ASCC1: variants seen among roughly 807,000 people sequenced by gnomAD.
ASCC1 encodes activating signal cointegrator 1 complex subunit 1, also known as ASC-1 complex subunit P50.
In ASCC1, 35 loss-of-function variants were observed where a neutral mutation model predicts 46.6. The ratio of observed to expected loss-of-function variants is 0.75; its 90% CI spans 0.57 to 0.99. The LOEUF is 0.99. ASCC1 is among the 50% of genes least tolerant of loss of function. ASCC1 has a pLI of 0.00. For missense variants in ASCC1, 376 were observed against 428.7 expected, an observed-to-expected ratio of 0.88 and a Z score of 1.09; for synonymous variants, 143 against 146.6, an observed-to-expected ratio of 0.98 and a Z score of 0.18.
intron 6 of ASCC1, among the ~76,000 whole-genome samples, chr10:72,158,741 C>T (rs1849284356): frequency 1.3e-5 from 2 of 152,176 alleles, no homozygotes; most frequent in African/African-American, 4.8e-5. Context: ...TAAAAACCAT[C>T]AAATTAAACT....
chr10:72,116,574 T>C (rs1484843545), intron 9 of ASCC1, among the ~76,000 whole-genome samples: 1 of 152,256 alleles, frequency 6.6e-6, no homozygotes, highest in Non-Finnish European at 1.5e-5. Context: ...GTTCTCTTTC[T>C]GTAATTTTTA....
intron 9 of ASCC1, among the ~76,000 whole-genome samples, chr10:72,122,020 A>G (rs1844264575): frequency 6.6e-6 from 1 of 152,246 alleles, no homozygotes; most frequent in Admixed American, 6.5e-5. Flanking sequence ...GCTGTAATAA[A>G]TTTAAAAGAA....
intron 3 of ASCC1, among the ~76,000 whole-genome samples, chr10:72,206,232 C>T (rs1265133316): frequency 1.3e-5 from 2 of 151,750 alleles, no homozygotes; most frequent in Admixed American, 6.6e-5. Flanking sequence ...TGGAGAAACC[C>T]CACCTCTACT....
At chr10:72,122,957 C>T (rs762070637) in intron 9 of ASCC1, among the ~76,000 whole-genome samples, 2 of 151,944 alleles carry the variant, frequency 1.3e-5, no homozygotes, top group Non-Finnish European at 2.9e-5. Context: ...GATATAAAAT[C>T]AATAATCTAA....
chr10:72,161,269 T>C (rs1280901831), intron 6 of ASCC1, among the ~76,000 whole-genome samples: 1 of 152,070 alleles, frequency 6.6e-6, no homozygotes. Context: ...TGAGTTACTG[T>C]AATAGACAGA....
rs1019164225 is a variant in ASCC1 at position 72,213,806 on chromosome 10, G to A, written c.-33-475C>T. 2.6e-5 allele frequency among the ~76,000 whole-genome samples: 4 copies of A among 152,062 alleles called. No individual in the cohort carries two copies. The East Asian group carries it at 5.8e-4, about 22-fold the overall frequency. On this transcript the variant is annotated intron_variant, in intron 1 of 9. Transcript: ENST00000672957. ...TGTAATCCCAGCACTTTGGGAGGCC[G>A]AGGCAGGCAGATCACAAGGTCAGGA...
chr10:72,120,592 C>CAAAAA (rs756385458), intron 9 of ASCC1, among the ~76,000 whole-genome samples: 2 of 92,146 alleles, frequency 2.2e-5, no homozygotes, highest in African/African-American at 8.2e-5. Flanking sequence ...GAATAAAGAC[C>CAAAAA]AAAAAAAAAA....
intron 7 of ASCC1, among the ~76,000 whole-genome samples, chr10:72,138,052 A>G (rs1312172834): frequency 6.6e-6 from 1 of 152,130 alleles, no homozygotes; most frequent in Non-Finnish European, 1.5e-5. Flanking sequence ...TTTAGTAGAG[A>G]CAGGGTTTTG....
intron 9 of ASCC1, chr10:72,102,224 G>C: frequency 3.4e-6 from 3 of 872,264 alleles, no homozygotes; most frequent in Non-Finnish European, 5.5e-6. Context: ...GGGTCCAATG[G>C]GTGTATATGA....
intron 7 of ASCC1, chr10:72,133,937 C>T (rs1358617777): frequency 6.6e-6 from 1 of 152,318 alleles, no homozygotes; most frequent in Non-Finnish European, 1.5e-5. Context: ...AGCCAAGGCA[C>T]AGAGAAGTTA....
At chr10:72,185,419 A>G (rs1028586284) in intron 5 of ASCC1, among the ~76,000 whole-genome samples, 4 of 152,236 alleles carry the variant, frequency 2.6e-5, no homozygotes, top group African/African-American at 7.2e-5. Context: ...CCAAACATCT[A>G]TCAGGGTTGA....
intron 5 of ASCC1, among the ~76,000 whole-genome samples, chr10:72,172,859 T>C (rs7921491): frequency 0.095 from 11,997 of 126,618 alleles, 1,683 homozygotes; most frequent in African/African-American, 0.31. Context: ...AATATTTTTA[T>C]ATTATATATA....
intron 9 of ASCC1, among the ~76,000 whole-genome samples, chr10:72,105,634 C>A (rs1162801208): frequency 3.3e-5 from 5 of 152,172 alleles, no homozygotes; most frequent in African/African-American, 1.2e-4. Context: ...ATCCAACCAT[C>A]CTGCTGTCCC....
At chr10:72,139,978 G>A (rs117924922) in intron 7 of ASCC1, among the ~76,000 whole-genome samples, 2 of 152,214 alleles carry the variant, frequency 1.3e-5, no homozygotes, top group East Asian at 1.9e-4. Flanking sequence ...AGAGTGTTTC[G>A]GGTAATTTAA....
At chr10:72,204,987 T>C (rs1217833671) in intron 3 of ASCC1, among the ~76,000 whole-genome samples, 2 of 152,188 alleles carry the variant, frequency 1.3e-5, no homozygotes, top group African/African-American at 4.8e-5. Flanking sequence ...GGTTGAGGTT[T>C]AAAAGGCTTT....
At chr10:72,114,930 C>T (rs1843334855) in intron 9 of ASCC1, among the ~76,000 whole-genome samples, 1 of 152,110 alleles carries the variant, frequency 6.6e-6, no homozygotes, top group South Asian at 2.1e-4. Flanking sequence ...ATGAGCTGAG[C>T]TGTGTTTCAA....
At chr10:72,194,762 A>C (rs1855108290) in intron 5 of ASCC1, among the ~76,000 whole-genome samples, 1 of 152,102 alleles carries the variant, frequency 6.6e-6, no homozygotes, top group South Asian at 2.1e-4. Flanking sequence ...TTTGTTTTTG[A>C]GACAAGTTTC....
At chr10:72,191,086 C>T (rs1277889798) in intron 5 of ASCC1, among the ~76,000 whole-genome samples, 6 of 148,688 alleles carry the variant, frequency 4.0e-5, no homozygotes, top group Admixed American at 6.7e-5. Context: ...GAGACAGAGT[C>T]TCGCTCTGTC....
intron 9 of ASCC1, among the ~76,000 whole-genome samples, chr10:72,125,264 C>T (rs935613481): frequency 6.6e-6 from 1 of 151,924 alleles, no homozygotes; most frequent in African/African-American, 2.4e-5. Context: ...TTTTCTAAGG[C>T]TGCCTCCCAT....
Sources: allele counts gnomAD v4.1 joint callset (sites outside exome capture counted in the v4.1 genomes callset), GRCh38; gene constraint gnomAD v4.1.1; transcripts MANE v1.5; gene names NCBI Gene and HGNC (gene_info 2026-07-23, HGNC 2026-07-21).